Variants in DACH1 observed in about 807,000 individuals in gnomAD.
DACH1 encodes dachshund family transcription factor 1.
DACH1 carries 12 observed loss-of-function variants against 54.2 expected under a neutral mutation model. That is an observed-to-expected ratio of 0.22 (90% CI 0.14 to 0.36). The LOEUF is 0.36. Ranked by LOEUF, DACH1 falls within the 10% of genes least tolerant of loss-of-function variation. The pLI is 1.00. For missense variants in DACH1, 805 were observed against 929.8 expected, an observed-to-expected ratio of 0.87 and a Z score of 1.75; for synonymous variants, 386 against 366.2, an observed-to-expected ratio of 1.05 and a Z score of -0.62.
chr13:71,627,751 G>A (rs1876765006), intron 3 of DACH1, among the ~76,000 whole-genome samples: 1 of 151,904 alleles, frequency 6.6e-6, no homozygotes. Flanking sequence ...TGTATTCCTA[G>A]AATGAGCTAA....
At chr13:71,644,765 T>G in intron 2 of DACH1, among the ~76,000 whole-genome samples, 1 of 152,136 alleles carries the variant, frequency 6.6e-6, no homozygotes, top group Non-Finnish European at 1.5e-5. Context: ...CCTTTGAATC[T>G]GAACATGATG....
At chr13:71,800,152 T>C (rs1887233572) in intron 1 of DACH1, among the ~76,000 whole-genome samples, 1 of 152,034 alleles carries the variant, frequency 6.6e-6, no homozygotes, top group South Asian at 2.1e-4. Flanking sequence ...AAAGCGAAAG[T>C]TGGACAAGAC....
At chr13:71,854,900 A>T (rs1873902302) in intron 1 of DACH1, among the ~76,000 whole-genome samples, 1 of 152,106 alleles carries the variant, frequency 6.6e-6, no homozygotes. Flanking sequence ...CATTCAAATG[A>T]TAAGTATAAG....
chr13:71,590,442 G>T (rs1354828493), intron 3 of DACH1, among the ~76,000 whole-genome samples: 1 of 152,134 alleles, frequency 6.6e-6, no homozygotes, highest in Non-Finnish European at 1.5e-5. Flanking sequence ...CAATTCTGAA[G>T]AATTAAAATT....
At chr13:71,645,078 G>A (rs942746949) in intron 2 of DACH1, among the ~76,000 whole-genome samples, 1 of 152,152 alleles carries the variant, frequency 6.6e-6, no homozygotes, top group Admixed American at 6.5e-5. Flanking sequence ...AAGCAAGTTG[G>A]AATAATTGGT....
rs374225059 is a variant in DACH1 at position 71,557,102 on chromosome 13, C to T, written c.1492G>A (p.Val498Ile). ...TCTCCCTCTTTGGGCCCAGGAAGTA[C>T]ATTTGGTGATAAGCCCATCAGCATC... ...NQMLMGLSPNVLPGPKEGDLA... is the reference protein window; with the variant it reads ...NQMLMGLSPNILPGPKEGDLA... The change falls in exon 6 of 11, where the codon GTA (valine) becomes ATA (isoleucine). Residue 498 changes from valine to isoleucine, a missense_variant. Around this residue, in one of 3 missense-constraint regions of DACH1, gnomAD observed 472 missense variants for 545.3 expected, o/e 0.87. Coordinates refer to ENST00000613252, the MANE Select transcript of DACH1 (RefSeq NM_080759.6). The T allele has an allele frequency of 5.1e-5, 82 of 1,612,074 alleles. No individual in the cohort carries two copies. The African/African-American group carries it at 8.0e-4, about 16-fold the overall frequency.
rs576824955 is a variant in DACH1 at position 71,443,472 on chromosome 13, C to T, written c.2084-2780G>A. ...TAAATGAAAAAATAAAAAAGAAATA[C>T]CCTTAGCTTTTCAGTTCAGCAGTCA... is the stretch of plus-strand genomic sequence containing the variant. On this transcript the variant is annotated intron_variant, in intron 10 of 10. Coordinates refer to ENST00000613252, the MANE Select transcript of DACH1 (RefSeq NM_080759.6). Among the ~76,000 whole-genome samples the T allele has an allele frequency of 4.5e-4, 68 of 152,070 alleles. 1 individual carries two copies. The highest frequency in any genetic ancestry group is 1.6e-3 in the African/African-American group (65 of 41,486).
chr13:71,698,064 GA>G (rs1881921382), intron 1 of DACH1, among the ~76,000 whole-genome samples: 1 of 152,068 alleles, frequency 6.6e-6, no homozygotes, highest in African/African-American at 2.4e-5. Context: ...CGACAAAGAA[GA>G]AAAATGTGTA....
intron 3 of DACH1, among the ~76,000 whole-genome samples, chr13:71,615,505 T>C (rs1875693453): frequency 6.6e-6 from 1 of 152,172 alleles, no homozygotes; most frequent in Non-Finnish European, 1.5e-5. Context: ...GGCTGATTAT[T>C]GATTTATTTT....
chr13:71,463,548 A>G (rs1052065812), intron 10 of DACH1, among the ~76,000 whole-genome samples: 3 of 151,986 alleles, frequency 2.0e-5, no homozygotes, highest in Non-Finnish European at 4.4e-5. Flanking sequence ...TCACGTAGGA[A>G]GCAAGGCGTA....
intron 2 of DACH1, among the ~76,000 whole-genome samples, chr13:71,664,790 A>T (rs7988451): frequency 0.058 from 8,761 of 152,098 alleles, 549 homozygotes; most frequent in African/African-American, 0.16. Flanking sequence ...TAATAATAAC[A>T]TACAAATTGA....
At chr13:71,443,790 C>G (rs1048086501) in intron 10 of DACH1, among the ~76,000 whole-genome samples, 4 of 152,048 alleles carry the variant, frequency 2.6e-5, no homozygotes. Context: ...CAGCTGTAGA[C>G]ATTTTGGTAT....
chr13:71,666,530 T>C (rs771500291), intron 2 of DACH1, among the ~76,000 whole-genome samples: 4 of 152,172 alleles, frequency 2.6e-5, no homozygotes, highest in Non-Finnish European at 4.4e-5. Flanking sequence ...ATGCTACTTA[T>C]GAAATGCTAA....
intron 1 of DACH1, among the ~76,000 whole-genome samples, chr13:71,827,244 A>G (rs1199095605): frequency 1.3e-5 from 2 of 152,048 alleles, no homozygotes; most frequent in Non-Finnish European, 2.9e-5. Context: ...CAATATTACA[A>G]TCATTGTTTC....
intron 3 of DACH1, among the ~76,000 whole-genome samples, chr13:71,621,896 A>C (rs998792616): frequency 2.0e-5 from 3 of 152,014 alleles, no homozygotes; most frequent in African/African-American, 4.8e-5. Flanking sequence ...TCATTATCAA[A>C]CTGGTAATTC....
At chr13:71,683,158 C>T (rs1880995379) in intron 1 of DACH1, among the ~76,000 whole-genome samples, 1 of 152,016 alleles carries the variant, frequency 6.6e-6, no homozygotes, top group South Asian at 2.1e-4. Flanking sequence ...ACTATGGAGG[C>T]TAATTTAGGA....
intron 10 of DACH1, among the ~76,000 whole-genome samples, chr13:71,459,494 A>G (rs1337484218): frequency 6.6e-6 from 1 of 151,958 alleles, no homozygotes; most frequent in Non-Finnish European, 1.5e-5. Flanking sequence ...CATGATTTTG[A>G]AACATCCAGA....
At chr13:71,706,877 G>GT (rs1462783514) in intron 1 of DACH1, among the ~76,000 whole-genome samples, 12 of 152,232 alleles carry the variant, frequency 7.9e-5, no homozygotes, top group African/African-American at 2.6e-4. Flanking sequence ...CCTCGGTACA[G>GT]TAAGAGTTTA....
At chr13:71,466,641 G>A (rs143747160) in intron 10 of DACH1, among the ~76,000 whole-genome samples, 139 of 152,108 alleles carry the variant, frequency 9.1e-4, no homozygotes, top group Non-Finnish European at 1.6e-3. Context: ...TCAGGAGTTC[G>A]AGATCAGCCT....
Sources: allele counts gnomAD v4.1 joint callset (sites outside exome capture counted in the v4.1 genomes callset), GRCh38; gene constraint gnomAD v4.1.1; regional missense constraint gnomAD v4.1.1; transcripts MANE v1.5; gene names NCBI Gene and HGNC (gene_info 2026-07-23, HGNC 2026-07-21).